DTNB: variants seen among roughly 807,000 people sequenced by gnomAD.
The protein encoded by DTNB is dystrobrevin beta.
DTNB carries 63 observed loss-of-function variants against 90.7 expected under a neutral mutation model. The observed-to-expected ratio is 0.69, with a 90% confidence interval of 0.57 to 0.86. The LOEUF is 0.86. DTNB is among the 40% of genes least tolerant of loss of function. The pLI is 0.00. For synonymous variants in DTNB, 277 were observed against 286.7 expected (o/e 0.97, Z 0.34); for missense variants, 744 against 807.1 (o/e 0.92, Z 0.95).
intron 3 of DTNB, among the ~76,000 whole-genome samples, chr2:25,633,464 C>A (rs979393700): frequency 6.6e-6 from 1 of 152,152 alleles, no homozygotes; most frequent in Admixed American, 6.5e-5. Flanking sequence ...GTTCACTCAG[C>A]GCTCAATGGT....
intron 1 of DTNB, among the ~76,000 whole-genome samples, chr2:25,655,263 G>A (rs867531611): frequency 2.0e-5 from 3 of 152,256 alleles, no homozygotes; most frequent in East Asian, 1.9e-4. Context: ...ACAAGAGGGC[G>A]GTCTCCCCTG....
At chr2:25,569,970 G>A (rs1428245758) in intron 8 of DTNB, among the ~76,000 whole-genome samples, 5 of 151,998 alleles carry the variant, frequency 3.3e-5, no homozygotes, top group Non-Finnish European at 5.9e-5. Context: ...GGTGGCGGGC[G>A]CCTGTAATCC....
chr2:25,537,543 C>CA (rs908197488), intron 8 of DTNB, among the ~76,000 whole-genome samples: 1 of 151,696 alleles, frequency 6.6e-6, no homozygotes, highest in African/African-American at 2.4e-5. Flanking sequence ...TAGGAGAAAC[C>CA]AAAAAAGAGA....
At chr2:25,646,986 A>G (rs2079612647) in intron 2 of DTNB, among the ~76,000 whole-genome samples, 1 of 152,250 alleles carries the variant, frequency 6.6e-6, no homozygotes, top group Non-Finnish European at 1.5e-5. Context: ...CAAGGCAAAG[A>G]CTGCCATATT....
intron 19 of DTNB, among the ~76,000 whole-genome samples, chr2:25,380,637 C>T (rs772458154): frequency 1.3e-5 from 2 of 152,234 alleles, no homozygotes; most frequent in Non-Finnish European, 2.9e-5. Context: ...CACAGAAAGA[C>T]AGAAGAGATG....
chr2:25,392,412 AAATG>A (rs570696124), intron 16 of DTNB, among the ~76,000 whole-genome samples: 14 of 152,314 alleles, frequency 9.2e-5, no homozygotes, highest in African/African-American at 2.2e-4. Context: ...TCCATCTCAA[AAATG>A]AATGAATGAA....
chr2:25,544,316 T>A (rs2081989555), intron 8 of DTNB, among the ~76,000 whole-genome samples: 1 of 152,226 alleles, frequency 6.6e-6, no homozygotes, highest in African/African-American at 2.4e-5. Context: ...ACTGCGATAC[T>A]CTGCAAAACT....
At chr2:25,438,756 A>G (rs2056629939) in intron 12 of DTNB, among the ~76,000 whole-genome samples, 1 of 152,210 alleles carries the variant, frequency 6.6e-6, no homozygotes, top group South Asian at 2.1e-4. Flanking sequence ...AGGAAAAGGA[A>G]TAACTTTATG....
At chr2:25,429,550 G>A (rs946699469) in intron 14 of DTNB, among the ~76,000 whole-genome samples, 1 of 152,176 alleles carries the variant, frequency 6.6e-6, no homozygotes, top group Non-Finnish European at 1.5e-5. Context: ...CTTCAGCAGG[G>A]ACTGCTTGAT....
chr2:25,541,920 T>C (rs562136638), intron 8 of DTNB, among the ~76,000 whole-genome samples: 1 of 152,354 alleles, frequency 6.6e-6, no homozygotes. Context: ...CAATAAAATG[T>C]TGAATAAAAG....
chr2:25,419,310 TTAAG>T (rs2048737945), intron 16 of DTNB: 1 of 716,294 alleles, frequency 1.4e-6, no homozygotes, highest in South Asian at 1.7e-5. Flanking sequence ...AGCTCTGGTT[TTAAG>T]TAAGAACATG....
intron 1 of DTNB, among the ~76,000 whole-genome samples, chr2:25,671,078 G>A (rs1559462193): frequency 6.6e-6 from 1 of 152,152 alleles, no homozygotes; most frequent in Non-Finnish European, 1.5e-5. Flanking sequence ...AGTGATGCTG[G>A]CAATTGGGAT....
intron 7 of DTNB, 49 bp downstream of exon 7, chr2:25,580,672 C>T: frequency 6.7e-7 from 1 of 1,502,046 alleles, no homozygotes; most frequent in African/African-American, 1.4e-5. Flanking sequence ...ATAATCAGTT[C>T]CTATACTTTC....
rs192817280 is a variant in DTNB at position 25,387,508 on chromosome 2, A to C, written c.1736-130T>G. 1.9e-3 allele frequency: 1,501 copies of C among 773,668 alleles called. 11 individuals carry two copies. The highest frequency in any genetic ancestry group is 1.3e-3 in the Non-Finnish European group (651 of 485,690). The allele number at this position is 773,668 out of a possible 1,614,324, so 47.9% of individuals were successfully genotyped here. A position where few individuals can be genotyped will look rare whatever the true frequency, so the allele number is the denominator to read the frequency against. On this transcript the variant is annotated intron_variant, in intron 17 of 20. Coordinates refer to ENST00000406818, the MANE Select transcript of DTNB (RefSeq NM_021907.5). The surrounding 1 kb of genome is among the most constrained non-coding windows in gnomAD (Gnocchi z 4.5). ...AACACCTAAGGGGAGATGGGGCCACAGCAGCTCCACCCATTCCCAGGCACA... is the reference window on the plus strand; with the variant it reads ...AACACCTAAGGGGAGATGGGGCCACCGCAGCTCCACCCATTCCCAGGCACA...
chr2:25,508,127 A>T (rs2072954068), intron 9 of DTNB, among the ~76,000 whole-genome samples: 1 of 152,134 alleles, frequency 6.6e-6, no homozygotes, highest in Admixed American at 6.5e-5. Context: ...TCTAATATAT[A>T]ATTTATTTAT....
chr2:25,636,646 A>C (rs2077186803), intron 3 of DTNB, among the ~76,000 whole-genome samples: 1 of 152,204 alleles, frequency 6.6e-6, no homozygotes, highest in East Asian at 1.9e-4. Context: ...CATCACAGAA[A>C]TATATTTAAA....
intron 1 of DTNB, among the ~76,000 whole-genome samples, chr2:25,659,674 G>C (rs2148994755): frequency 6.6e-6 from 1 of 152,056 alleles, no homozygotes; most frequent in Non-Finnish European, 1.5e-5. Flanking sequence ...TTCCTCAAAA[G>C]CTACAAATTG....
rs560019277 is a variant in DTNB at position 25,550,603 on chromosome 2, G to T, written c.877-19006C>A. Among the ~76,000 whole-genome samples the T allele has an allele frequency of 3.9e-5, 6 of 152,100 alleles. No individual in the cohort carries two copies. In the East Asian group the frequency reaches 9.7e-4, roughly 24 times the overall value. ...GAGGGCTTATACCTTTTCAGTACTGGAAATTCTAGAATATTTTCAGATGTT... is the reference window on the plus strand; with the variant it reads ...GAGGGCTTATACCTTTTCAGTACTGTAAATTCTAGAATATTTTCAGATGTT... On this transcript the variant is annotated intron_variant, in intron 8 of 20. Coordinates refer to ENST00000406818, the MANE Select transcript of DTNB (RefSeq NM_021907.5).
At chr2:25,560,354 G>A (rs1464081319) in intron 8 of DTNB, among the ~76,000 whole-genome samples, 2 of 152,242 alleles carry the variant, frequency 1.3e-5, no homozygotes, top group African/African-American at 4.8e-5. Context: ...TGTTTTGCAT[G>A]AGATTAACAT....
Sources: gnomAD v4.1 joint callset for allele counts (sites outside exome capture counted in the v4.1 genomes callset) on GRCh38, gnomAD v4.1.1 for gene constraint, Gnocchi (gnomAD v3.1) non-coding constraint, MANE v1.5 for transcripts, NCBI Gene and HGNC (gene_info 2026-07-23, HGNC 2026-07-21) for gene names.